The following YTHDC1 variants were observed in gnomAD, a reference collection of about 807,000 sequenced individuals.
YTHDC1 encodes YTH N6-methyladenosine RNA binding protein C1.
Under a neutral mutation model 107.0 loss-of-function variants are expected in YTHDC1, and 12 were observed. The ratio of observed to expected loss-of-function variants is 0.11; its 90% CI spans 0.07 to 0.18. The LOEUF is 0.18. Among genes scored for constraint, YTHDC1 ranks in the 10% least tolerant of loss-of-function variants. YTHDC1 has a pLI of 1.00. For missense variants in YTHDC1, 635 were observed against 898.8 expected, an observed-to-expected ratio of 0.71 and a Z score of 3.75; for synonymous variants, 280 against 289.5, an observed-to-expected ratio of 0.97 and a Z score of 0.33.
intron 2 of YTHDC1, 143 bp downstream of exon 2, chr4:68,338,139 CA>C (rs1724422693): frequency 1.6e-6 from 2 of 1,275,356 alleles, no homozygotes; most frequent in Admixed American, 5.9e-5. Context: ...TATCCCTATT[CA>C]TATGGATACC....
chr4:68,345,929 GTA>G (rs539690955), intron 1 of YTHDC1, among the ~76,000 whole-genome samples: 172 of 152,042 alleles, frequency 1.1e-3, no homozygotes, highest in African/African-American at 4.1e-3. Context: ...GCCTAGATAT[GTA>G]GTAGGTTATG....
At position 68,314,153 on chromosome 4, in the gene YTHDC1, C is replaced by T. The variant is rs1275188207; in HGVS notation, c.2130G>A (p.Glu710=). The change falls in exon 17 of 17, where the codon GAG becomes GAA. Residue 710 remains glutamate, a synonymous_variant. Transcript: ENST00000344157. ...DRGRDRERER[E]RLCDRDRDRG... ...GGTCTCTGTCTCGATCACATAATCG[C>T]TCTCTTTCTCTTTCTCTATCACGTC... 3 of 1,613,712 alleles carry T rather than the reference C, an allele frequency of 1.9e-6. No homozygotes were observed. Among genetic ancestry groups the T allele is most frequent in the South Asian group, 2.2e-5 (2 of 91,066 alleles).
At chr4:68,341,955 T>C (rs1425146922) in intron 1 of YTHDC1, among the ~76,000 whole-genome samples, 1 of 152,204 alleles carries the variant, frequency 6.6e-6, no homozygotes, top group African/African-American at 2.4e-5. Context: ...TCCTTCCTTA[T>C]AACTATTGGA....
At chr4:68,324,852 ATAATT>A (rs2109697456) in intron 9 of YTHDC1, among the ~76,000 whole-genome samples, 1 of 152,306 alleles carries the variant, frequency 6.6e-6, no homozygotes, top group East Asian at 1.9e-4. Flanking sequence ...CAGTATCTAT[ATAATT>A]TAAATACTAA....
At chr4:68,325,268 GA>G (rs1722867483) in intron 9 of YTHDC1, among the ~76,000 whole-genome samples, 1 of 152,006 alleles carries the variant, frequency 6.6e-6, no homozygotes, top group Non-Finnish European at 1.5e-5. Context: ...CAATACAGAA[GA>G]TTTTTTTTTT....
At chr4:68,337,002 A>G (rs1026185547) in intron 4 of YTHDC1, 25 bp downstream of exon 4, 2 of 1,542,192 alleles carry the variant, frequency 1.3e-6, no homozygotes, top group Non-Finnish European at 1.7e-6. Context: ...TTTTAAGACA[A>G]ACTTTTACAT....
chr4:68,316,908 T>G (rs1276365866), intron 15 of YTHDC1, among the ~76,000 whole-genome samples: 2 of 152,226 alleles, frequency 1.3e-5, no homozygotes, highest in Non-Finnish European at 2.9e-5. Flanking sequence ...GTTGGTAAAC[T>G]GGTTAACCAC....
chr4:68,341,861 G>A (rs370386062), intron 1 of YTHDC1, among the ~76,000 whole-genome samples: 8 of 152,228 alleles, frequency 5.3e-5, no homozygotes, highest in African/African-American at 1.7e-4. Flanking sequence ...TCTGATAAGA[G>A]GCACTTAAAA....
rs199646486 is a variant in YTHDC1 at position 68,337,694 on chromosome 4, G to T, written c.337C>A (p.Arg113=). The change falls in exon 3 of 17, where the codon CGG becomes AGG. Residue 113 remains arginine (R), a synonymous_variant. Coordinates refer to ENST00000344157, the MANE Select transcript of YTHDC1 (RefSeq NM_001031732.4). ...SERNKRLDAD[R]KIRLSSSASR... ...GCACTACTTGATAGACGAATTTTCC[G>T]ATCAGCATCTAGACGCTTGTTTCTT... The T allele has an allele frequency of 3.7e-5, 59 of 1,614,032 alleles. No homozygotes were observed. Among genetic ancestry groups the T allele is most frequent in the Admixed American group, 6.7e-5 (4 of 59,992 alleles).
intron 4 of YTHDC1, 124 bp from the exon 5 acceptor site, chr4:68,333,521 T>C: frequency 1.7e-6 from 1 of 583,806 alleles, no homozygotes; most frequent in Non-Finnish European, 3.0e-6. Context: ...TGCTCCTCTC[T>C]CCTGATCCCT....
Position 68,322,724 on chromosome 4 carries a change from TATC to T in YTHDC1, c.1601+22_1601+24del. On this transcript the variant is annotated intron_variant, in intron 11 of 16. Transcript: ENST00000344157. This position sits in a 1 kb window ranked among gnomAD's most constrained non-coding sequence, Gnocchi z 4.8. ...ATGTTATTCTGATACATGTGCCTAT[TATC>T]AGTCCAAAGAACGTTTCTAACCTTC... 6.2e-7 allele frequency: 1 copy of T among 1,611,342 alleles called. No homozygotes were observed. Among genetic ancestry groups the T allele is most frequent in the Non-Finnish European group, 8.5e-7 (1 of 1,177,958 alleles).
chr4:68,324,070 ACAT>A, intron 10 of YTHDC1, 66 bp downstream of exon 10: 1 of 1,365,002 alleles, frequency 7.3e-7, no homozygotes, highest in South Asian at 1.3e-5. Context: ...TAAAACGAAT[ACAT>A]CAATAAAGAT....
chr4:68,334,326 T>C (rs1340656752), intron 4 of YTHDC1, among the ~76,000 whole-genome samples: 1 of 152,176 alleles, frequency 6.6e-6, no homozygotes, highest in African/African-American at 2.4e-5. Flanking sequence ...AATAACCTAC[T>C]ATATAATGAC....
At chr4:68,314,982 T>A (rs1346021614) in intron 16 of YTHDC1, among the ~76,000 whole-genome samples, 1 of 152,194 alleles carries the variant, frequency 6.6e-6, no homozygotes, top group Non-Finnish European at 1.5e-5. Context: ...ACCTTTTATA[T>A]ATGTGATTAT....
rs953393195 is a variant in YTHDC1, at chr4:68,350,076, T to C, written c.-323A>G. ...GGAGCCTGCTTCCTGCGCGAAACAA[T>C]CCCGCTCCCGAAATGCCCTGCGCTG... On this transcript the variant is annotated 5_prime_UTR_variant, in exon 1 of 17. Coordinates refer to ENST00000344157, the MANE Select transcript of YTHDC1 (RefSeq NM_001031732.4). 8.3e-6 allele frequency: 4 copies of C among 481,908 alleles called. No individual in the cohort carries two copies. The highest frequency in any genetic ancestry group is 4.0e-5 in the African/African-American group (2 of 49,836). The allele number at this position is 481,908 out of a possible 1,614,324, so 29.9% of individuals were successfully genotyped here. A position where few individuals can be genotyped will look rare whatever the true frequency, so the allele number is the denominator to read the frequency against.
intron 5 of YTHDC1, 57 bp from the exon 6 acceptor site, chr4:68,332,904 AT>A: frequency 3.5e-6 from 5 of 1,431,092 alleles, no homozygotes; most frequent in Non-Finnish European, 4.9e-6. Flanking sequence ...ATAAGACAAA[AT>A]TTCTACAGTC....
At chr4:68,327,397 C>T (rs1042020109) in intron 9 of YTHDC1, among the ~76,000 whole-genome samples, 8 of 143,580 alleles carry the variant, frequency 5.6e-5, no homozygotes, top group Middle Eastern at 3.4e-3. Context: ...CAGGTGGCAA[C>T]CTTAATAAGT....
At chr4:68,343,310 T>C (rs1051859940) in intron 1 of YTHDC1, among the ~76,000 whole-genome samples, 17 of 151,594 alleles carry the variant, frequency 1.1e-4, no homozygotes, top group African/African-American at 3.1e-4. Context: ...GTGATTCTCC[T>C]GCCTCAGCCT....
chr4:68,329,493 GTACAA>G (rs1235275443), intron 9 of YTHDC1, among the ~76,000 whole-genome samples: 1 of 152,118 alleles, frequency 6.6e-6, no homozygotes, highest in Non-Finnish European at 1.5e-5. Context: ...AGCTTCTTGT[GTACAA>G]TACTTCAGTG....
Sources: gnomAD v4.1 joint callset for allele counts (sites outside exome capture counted in the v4.1 genomes callset) on GRCh38, gnomAD v4.1.1 for gene constraint, Gnocchi (gnomAD v3.1) non-coding constraint, MANE v1.5 for transcripts, NCBI Gene and HGNC (gene_info 2026-07-23, HGNC 2026-07-21) for gene names.